The following DZANK1 variants were observed in gnomAD, a reference collection of about 807,000 sequenced individuals.
The protein encoded by DZANK1 is double zinc ribbon and ankyrin repeat-containing protein 1.
In DZANK1, 91 loss-of-function variants were observed where a neutral mutation model predicts 94.5. The ratio of observed to expected loss-of-function variants is 0.96; its 90% CI spans 0.81 to 1.15. The LOEUF (loss-of-function observed/expected upper bound fraction) is 1.15. Ranked by LOEUF, DZANK1 falls within the 50% of genes most tolerant of loss-of-function variation. The pLI is 0.00. For missense variants in DZANK1, 903 were observed against 916.4 expected, an observed-to-expected ratio of 0.99 and a Z score of 0.19; for synonymous variants, 312 against 325.3, an observed-to-expected ratio of 0.96 and a Z score of 0.44.
chr20:18,383,389 T>C, exon 21 of DZANK1: 1 of 152,194 alleles, frequency 6.6e-6, no homozygotes, highest in South Asian at 2.1e-4. Context: ...ATAAGTGGTT[T>C]ATTGAGAGCT....
chr20:18,420,191 C>A, intron 10 of DZANK1: 1 of 206,768 alleles, frequency 4.8e-6, no homozygotes, highest in South Asian at 9.7e-5. Context: ...AGCTTTATGC[C>A]TCAGATGCTC....
At chr20:18,384,332 T>C (rs1364385842) in exon 21 of DZANK1, 4 of 1,485,014 alleles carry the variant, frequency 2.7e-6, no homozygotes, top group Non-Finnish European at 3.6e-6. Context: ...GTGCTGGGAT[T>C]ACAGGCGTAA....
intron 17 of DZANK1, among the ~76,000 whole-genome samples, chr20:18,391,649 T>C (rs897536672): frequency 6.6e-6 from 1 of 152,242 alleles, no homozygotes; most frequent in Non-Finnish European, 1.5e-5. Context: ...TTGCTTTTAG[T>C]ATGTTTCTGC....
chr20:18,436,864 A>G (rs6075341), intron 8 of DZANK1, among the ~76,000 whole-genome samples: 102,833 of 152,120 alleles, frequency 0.68, 36,179 homozygotes, highest in Non-Finnish European at 0.78. Context: ...ATGGAGGGCA[A>G]AAGGCAGTAG....
intron 15 of DZANK1, chr20:18,394,948 A>T (rs1231922351): frequency 2.2e-6 from 1 of 451,576 alleles, no homozygotes; most frequent in Non-Finnish European, 4.5e-6. Flanking sequence ...GAGGCCAGAC[A>T]CAGAAGTCTG....
chr20:18,398,063 A>G (rs2056450739), intron 14 of DZANK1, among the ~76,000 whole-genome samples: 1 of 152,166 alleles, frequency 6.6e-6, no homozygotes, highest in Non-Finnish European at 1.5e-5. Context: ...TATTTTTTTT[A>G]AAGTGATCAC....
At chr20:18,383,538 A>C (rs2048309755) in exon 21 of DZANK1, 1 of 152,254 alleles carries the variant, frequency 6.6e-6, no homozygotes, top group Non-Finnish European at 1.5e-5. Context: ...CAAGATACAG[A>C]ACAGTGTGTG....
intron 2 of DZANK1, 33 bp from the exon 3 acceptor site, chr20:18,460,339 A>C (rs1489881077): frequency 4.1e-6 from 6 of 1,457,496 alleles, no homozygotes; most frequent in Admixed American, 4.2e-5. Context: ...ACTATAATTA[A>C]CACCAAAGTA....
At chr20:18,448,302 G>A (rs977105749) in intron 7 of DZANK1, among the ~76,000 whole-genome samples, 10 of 152,156 alleles carry the variant, frequency 6.6e-5, no homozygotes, top group African/African-American at 2.4e-4. Context: ...CACACACTAA[G>A]TCACTTCGTT....
intron 9 of DZANK1, chr20:18,433,231 T>G (rs569150080): frequency 5.1e-6 from 1 of 197,790 alleles, no homozygotes; most frequent in South Asian, 9.6e-5. Flanking sequence ...TTTGTTCATG[T>G]ATATTAGCTT....
chr20:18,450,002 C>T (rs1030459633), intron 6 of DZANK1, among the ~76,000 whole-genome samples: 5 of 151,762 alleles, frequency 3.3e-5, no homozygotes, highest in South Asian at 4.2e-4. Flanking sequence ...CGCTTGAACC[C>T]GGGAAGCAGA....
At chr20:18,446,528 T>C (rs1465720984) in intron 7 of DZANK1, among the ~76,000 whole-genome samples, 1 of 152,194 alleles carries the variant, frequency 6.6e-6, no homozygotes, top group Non-Finnish European at 1.5e-5. Context: ...TCTAAATGCC[T>C]ATGCTAGAAA....
chr20:18,445,557 A>T (rs1196545828), intron 7 of DZANK1, among the ~76,000 whole-genome samples: 1 of 152,194 alleles, frequency 6.6e-6, no homozygotes, highest in Non-Finnish European at 1.5e-5. Flanking sequence ...TACATAGAAC[A>T]TTTACCAATC....
chr20:18,391,223 A>C (rs976027748), intron 17 of DZANK1, among the ~76,000 whole-genome samples: 3 of 152,094 alleles, frequency 2.0e-5, no homozygotes, highest in African/African-American at 7.2e-5. Context: ...AAAAGCTCTC[A>C]GCAATTTCAA....
chr20:18,438,220 A>G lies in DZANK1; in HGVS notation c.748-4455T>C, dbSNP rs1371686977. Among the ~76,000 whole-genome samples, 651 of 117,534 alleles carry G rather than the reference A, an allele frequency of 5.5e-3. 1 individual carries two copies. Among genetic ancestry groups the G allele is most frequent in the Non-Finnish European group, 0.01 (533 of 50,922 alleles). 77.1% of individuals were successfully genotyped at this position (117,534 alleles called of 152,430 possible). On this transcript the variant is annotated intron_variant, in intron 8 of 20. Coordinates refer to ENST00000262547, the Ensembl canonical transcript of DZANK1. ...GGTGACAGAGTGAGACTCTGTCTCA[A>G]AAAAAAAAAAAAAAAAAAAGAAATA...
At chr20:18,418,311 T>C (rs1413656745) in intron 10 of DZANK1, among the ~76,000 whole-genome samples, 8 of 152,076 alleles carry the variant, frequency 5.3e-5, no homozygotes, top group African/African-American at 1.9e-4. Context: ...TGGGGAATAT[T>C]TGGCTGCTGA....
At chr20:18,411,445 T>C (rs998507781) in intron 13 of DZANK1, among the ~76,000 whole-genome samples, 3 of 151,908 alleles carry the variant, frequency 2.0e-5, no homozygotes, top group East Asian at 1.9e-4. Flanking sequence ...CAACAAGAAA[T>C]AGAAAATCTG....
At chr20:18,396,731 C>T (rs1181728574) in intron 14 of DZANK1, among the ~76,000 whole-genome samples, 185 bp from the exon 15 acceptor site, 2 of 152,118 alleles carry the variant, frequency 1.3e-5, no homozygotes, top group Non-Finnish European at 2.9e-5. Context: ...AAACAAAGAA[C>T]AAAATGGCAG....
chr20:18,458,935 G>A (rs1355767983), intron 3 of DZANK1, among the ~76,000 whole-genome samples: 2 of 152,174 alleles, frequency 1.3e-5, no homozygotes, highest in Admixed American at 1.3e-4. Context: ...TCCCTAAGCT[G>A]AGCACATCTG....
Sources: gnomAD v4.1 joint callset for allele counts (sites outside exome capture counted in the v4.1 genomes callset) on GRCh38, gnomAD v4.1.1 for gene constraint, MANE v1.5 for transcripts, NCBI Gene and HGNC (gene_info 2026-07-23, HGNC 2026-07-21) for gene names.